The following METAP1D variants were observed in gnomAD, a reference collection of about 807,000 sequenced individuals.
METAP1D encodes methionine aminopeptidase 1D, mitochondrial.
METAP1D carries 31 observed loss-of-function variants against 40.5 expected under a neutral mutation model. The observed-to-expected ratio is 0.77, with a 90% CI of 0.58 to 1.03. The LOEUF (loss-of-function observed/expected upper bound fraction) is 1.03, where lower values mean the gene tolerates loss of function less well. Among genes scored for constraint, METAP1D ranks in the 50% least tolerant of loss-of-function variants. The probability of loss-of-function intolerance (pLI) is 0.00; values close to 1 mark genes in which losing one functional copy is unlikely to be tolerated. For missense variants in METAP1D, 411 were observed against 420.7 expected (o/e 0.98, Z 0.20); for synonymous variants, 151 against 146.4 (o/e 1.03, Z -0.22).
rs782088377 is a variant in METAP1D, at chr2:172,044,404, C to CAAA, written c.41-17074_41-17072dup. Reference sequence around the variant, plus strand: ...TGAAACCCTGTCTCTCTTAAAAATACAAAAAAAAAAAAAAAAAAAAAACCC... The same window carrying CAAA: ...TGAAACCCTGTCTCTCTTAAAAATACAAAAAAAAAAAAAAAAAAAAAAAAACCC... On this transcript the variant is annotated intron_variant, in intron 1 of 9. Coordinates refer to ENST00000315796, the MANE Select transcript of METAP1D (RefSeq NM_199227.3). 4.9e-4 allele frequency among the ~76,000 whole-genome samples: 34 copies of CAAA among 69,208 alleles called. No individual in the cohort carries two copies. The East Asian group carries it at 8.4e-3, about 17-fold the overall frequency. 45.4% of individuals were successfully genotyped at this position (69,208 alleles called of 152,430 possible).
chr2:172,044,266 AAT>A (rs1476935871), intron 1 of METAP1D, among the ~76,000 whole-genome samples: 1 of 132,954 alleles, frequency 7.5e-6, no homozygotes, highest in East Asian at 2.0e-4. Flanking sequence ...TACTCTTAAA[AAT>A]AAGTCAGGTG....
rs1356753705 is a variant in METAP1D, at chr2:172,045,795, ATATGTGTG to A, written c.41-15701_41-15694del. 1.9e-3 allele frequency among the ~76,000 whole-genome samples: 35 copies of A among 18,716 alleles called. 1 individual carries two copies. The highest frequency in any genetic ancestry group is 4.1e-3 in the African/African-American group (27 of 6,596). The allele number at this position is 18,716 out of a possible 152,430, so 12.3% of individuals were successfully genotyped here. A position where few individuals can be genotyped will look rare whatever the true frequency, so the allele number is the denominator to read the frequency against. Reference sequence around the variant, plus strand: ...TGTATATATGTGTATGTATATGTATATATGTGTGTGTGTGTGTGTGTGTGTATATATAT... The same window carrying A: ...TGTATATATGTGTATGTATATGTATATGTGTGTGTGTGTGTGTATATATAT... On this transcript the variant is annotated intron_variant, in intron 1 of 9. Transcript: ENST00000315796.
intron 1 of METAP1D, among the ~76,000 whole-genome samples, chr2:172,011,632 T>C (rs887351926): frequency 2.6e-5 from 4 of 152,208 alleles, no homozygotes; most frequent in African/African-American, 9.6e-5. Flanking sequence ...TTTCATATAA[T>C]GGAATCATAC....
chr2:172,070,503 T>C (rs1690396973), intron 5 of METAP1D, among the ~76,000 whole-genome samples: 1 of 152,216 alleles, frequency 6.6e-6, no homozygotes, highest in Non-Finnish European at 1.5e-5. Flanking sequence ...CTTCATGACA[T>C]TGAAGAAACT....
intron 1 of METAP1D, among the ~76,000 whole-genome samples, chr2:172,028,534 A>C (rs1277688964): frequency 8.0e-6 from 1 of 124,330 alleles, no homozygotes; most frequent in African/African-American, 3.1e-5. Context: ...AGACTTCTGT[A>C]TGTGTGTCTG....
At chr2:172,057,935 CTT>C (rs34383352) in intron 1 of METAP1D, among the ~76,000 whole-genome samples, 243 of 144,530 alleles carry the variant, frequency 1.7e-3, no homozygotes, top group Admixed American at 2.2e-3. Context: ...TTTGTGCAGA[CTT>C]TTTTTTTTTT....
intron 1 of METAP1D, among the ~76,000 whole-genome samples, chr2:172,019,216 G>C (rs1392076324): frequency 6.6e-6 from 1 of 152,070 alleles, no homozygotes; most frequent in Non-Finnish European, 1.5e-5. Context: ...GCTGGGTGTG[G>C]TGATGGATGT....
Position 172,044,404 on chromosome 2 carries a change from C to CAAAA in METAP1D, c.41-17075_41-17072dup, listed in dbSNP as rs782088377. ...TGAAACCCTGTCTCTCTTAAAAATA[C>CAAAA]AAAAAAAAAAAAAAAAAAAAAACCC... On this transcript the variant is annotated intron_variant, in intron 1 of 9. Transcript: ENST00000315796. 1.2e-4 allele frequency among the ~76,000 whole-genome samples: 8 copies of CAAAA among 69,212 alleles called. No homozygotes were observed. The East Asian group carries it at 1.9e-3, about 17-fold the overall frequency. 45.4% of individuals were successfully genotyped at this position (69,212 alleles called of 152,430 possible).
intron 1 of METAP1D, among the ~76,000 whole-genome samples, chr2:172,037,067 C>G (rs1333381154): frequency 6.6e-6 from 1 of 152,146 alleles, no homozygotes; most frequent in Non-Finnish European, 1.5e-5. Context: ...CAAGACCAGC[C>G]TGACCAACAT....
chr2:172,003,156 G>A (rs751417253), intron 1 of METAP1D, among the ~76,000 whole-genome samples: 2 of 152,184 alleles, frequency 1.3e-5, no homozygotes, highest in Non-Finnish European at 1.5e-5. Flanking sequence ...TAGAAACTAT[G>A]AGTAGTGACA....
rs1553494125 is a variant in METAP1D, at chr2:172,043,012, T to TGTGTGTACAC, written c.41-18482_41-18481insGTACACGTGT. Reference sequence around the variant, plus strand: ...GTGCGTGTGTACACATATATGTGTATGTGTACACATATATGTGTATATGTG... The same window carrying TGTGTGTACAC: ...GTGCGTGTGTACACATATATGTGTATGTGTGTACACGTGTACACATATATGTGTATATGTG... On this transcript the variant is annotated intron_variant, in intron 1 of 9. Coordinates refer to ENST00000315796, the MANE Select transcript of METAP1D (RefSeq NM_199227.3). 7.8e-5 allele frequency among the ~76,000 whole-genome samples: 7 copies of TGTGTGTACAC among 89,748 alleles called. 1 individual carries two copies. The highest frequency in any genetic ancestry group is 0.016 in the Middle Eastern group (2 of 126). The allele number at this position is 89,748 out of a possible 152,430, so 58.9% of individuals were successfully genotyped here.
chr2:172,068,088 A>C (rs1281806250), intron 5 of METAP1D, among the ~76,000 whole-genome samples: 1 of 152,214 alleles, frequency 6.6e-6, no homozygotes, highest in Non-Finnish European at 1.5e-5. Context: ...AATATTTGTT[A>C]AATGAAGTAC....
At chr2:172,007,463 G>A (rs1009913346) in intron 1 of METAP1D, among the ~76,000 whole-genome samples, 1 of 151,954 alleles carries the variant, frequency 6.6e-6, no homozygotes, top group African/African-American at 2.4e-5. Context: ...ATTCTTTCAG[G>A]CTTGGTTTTT....
rs765957576 is a variant in METAP1D, at chr2:172,080,365, A to C, written c.967A>C (p.Arg323=). 3 of 1,614,010 alleles carry C rather than the reference A, an allele frequency of 1.9e-6. No homozygotes were observed. Among genetic ancestry groups the C allele is most frequent in the South Asian group, 2.2e-5 (2 of 91,082 alleles). The change falls in exon 10 of 10, where the codon AGG becomes CGG. Residue 323 remains arginine, a synonymous_variant. Transcript: ENST00000315796. ...QFEHTVLITS[R]GAQILTKLPH... The stretch of plus-strand genomic sequence containing the variant: ...CGAGCACACGGTTCTGATCACGTCG[A>C]GGGGCGCGCAGATCCTGACCAAACT...
intron 1 of METAP1D, among the ~76,000 whole-genome samples, chr2:172,039,910 C>T (rs560079041): frequency 1.8e-4 from 28 of 152,088 alleles, no homozygotes; most frequent in African/African-American, 6.5e-4. Flanking sequence ...CTCCTGACCT[C>T]GTGATCTGCC....
intron 1 of METAP1D, among the ~76,000 whole-genome samples, chr2:172,058,134 A>T (rs1350390680): frequency 3.3e-5 from 5 of 151,750 alleles, no homozygotes; most frequent in African/African-American, 1.2e-4. Flanking sequence ...GCTGGACTAC[A>T]GTAGCTGATG....
chr2:172,058,875 C>T (rs942217914), intron 1 of METAP1D, among the ~76,000 whole-genome samples: 3 of 152,172 alleles, frequency 2.0e-5, no homozygotes, highest in Admixed American at 2.0e-4. Flanking sequence ...CAGTGCCTTT[C>T]CCCAAGTCAA....
intron 1 of METAP1D, among the ~76,000 whole-genome samples, chr2:172,023,345 T>C (rs1208708788): frequency 6.6e-6 from 1 of 152,228 alleles, no homozygotes; most frequent in Non-Finnish European, 1.5e-5. Flanking sequence ...ATCATGTTAA[T>C]GTGATCTAAA....
In METAP1D at chr2:172,064,673, T is replaced by G. The variant is rs191423095; in HGVS notation, c.348+813T>G. Among the ~76,000 whole-genome samples, 171 of 151,996 alleles carry G rather than the reference T, an allele frequency of 1.1e-3. 3 individuals carry two copies. Among genetic ancestry groups the G allele is most frequent in the South Asian group, 1.9e-3 (9 of 4,822 alleles). On this transcript the variant is annotated intron_variant, in intron 3 of 9. Coordinates refer to ENST00000315796, the MANE Select transcript of METAP1D (RefSeq NM_199227.3). Reference sequence around the variant, plus strand: ...TTCATTTAGTTCTTTCATAATAATCTGAAGCACCCTTCTGTATAAGGATTA... The same window carrying G: ...TTCATTTAGTTCTTTCATAATAATCGGAAGCACCCTTCTGTATAAGGATTA...
Sources: gnomAD v4.1 joint callset for allele counts (sites outside exome capture counted in the v4.1 genomes callset) on GRCh38, gnomAD v4.1.1 for gene constraint, MANE v1.5 for transcripts, NCBI Gene and HGNC (gene_info 2026-07-23, HGNC 2026-07-21) for gene names.